Variants in RUBCNL observed in about 807,000 individuals in gnomAD.
RUBCNL encodes protein associated with UVRAG as autophagy enhancer.
In RUBCNL, 62 loss-of-function variants were observed where a neutral mutation model predicts 69.5. The observed-to-expected ratio is 0.89, with a 90% CI of 0.73 to 1.10. The LOEUF (loss-of-function observed/expected upper bound fraction) is 1.10, where lower values mean the gene tolerates loss of function less well. Among genes scored for constraint, RUBCNL ranks in the 50% least tolerant of loss-of-function variants. RUBCNL has a pLI of 0.00. For synonymous variants in RUBCNL, 291 were observed against 303.6 expected (o/e 0.96, Z 0.43); for missense variants, 768 against 798.1 (o/e 0.96, Z 0.45).
intron 5 of RUBCNL, among the ~76,000 whole-genome samples, chr13:46,366,507 C>T (rs551157139): frequency 1.3e-5 from 2 of 152,358 alleles, no homozygotes; most frequent in Non-Finnish European, 2.9e-5. Context: ...TATTTCCCAC[C>T]ACTGGGTTCA....
intron 10 of RUBCNL, chr13:46,350,590 A>C (rs2048349944): frequency 7.3e-6 from 3 of 408,252 alleles, no homozygotes; most frequent in Non-Finnish European, 1.3e-5. Context: ...AAACCTTCCC[A>C]AAATACTCCT....
intron 5 of RUBCNL, among the ~76,000 whole-genome samples, chr13:46,366,333 A>G (rs932669854): frequency 1.3e-5 from 2 of 152,334 alleles, no homozygotes; most frequent in East Asian, 1.9e-4. Flanking sequence ...CTGAGTGGTC[A>G]GGAAGACTGC....
At chr13:46,349,484 A>C (rs1295230992) in intron 11 of RUBCNL, 137 bp from the exon 12 acceptor site, 6 of 776,516 alleles carry the variant, frequency 7.7e-6, no homozygotes, top group African/African-American at 1.7e-5. Context: ...CAAACCGCCT[A>C]TACAGCAAGC....
At chr13:46,371,798 G>A (rs1804997588) in intron 3 of RUBCNL, 143 bp downstream of exon 3, 1 of 792,856 alleles carries the variant, frequency 1.3e-6, no homozygotes, top group African/African-American at 1.7e-5. Context: ...CACCTGTTGT[G>A]ACCGCCCAGA....
chr13:46,345,239 A>T (rs558998285), intron 13 of RUBCNL, among the ~76,000 whole-genome samples: 1 of 152,280 alleles, frequency 6.6e-6, no homozygotes, highest in Non-Finnish European at 1.5e-5. Context: ...GATGAAGTCC[A>T]TTGGTCCAGG....
In RUBCNL at chr13:46,350,227, G is replaced by A. The variant is rs147137455; in HGVS notation, c.1455C>T (p.Tyr485=). 6.6e-5 allele frequency: 105 copies of A among 1,593,480 alleles called. No individual in the cohort carries two copies. Among genetic ancestry groups the A allele is most frequent in the African/African-American group, 2.9e-4 (22 of 74,656 alleles). Residue 485 remains tyrosine (Y), a synonymous_variant, in exon 11 of 15, where the codon TAC becomes TAT. Coordinates refer to ENST00000429979, the MANE Select transcript of RUBCNL (RefSeq NM_025113.5). ...GCAGCTGTTTGGAGAAATTGCTGAC[G>A]TAGTACTTCTTGAAGTCCCACATCA... ...ILMMWDFKKY[Y]VSNFSKQLLD...
rs942592611 is a variant in RUBCNL at position 46,342,145 on chromosome 13, GAA to G, written c.*1238_*1239del. Reference sequence around the variant, plus strand: ...AATTGACAGAATGAGAAGACTGAATGAAAAGAGATTGACAGAAGTCATTCATT... The same window carrying G: ...AATTGACAGAATGAGAAGACTGAATGAAGAGATTGACAGAAGTCATTCATT... On this transcript the variant is annotated 3_prime_UTR_variant, in exon 15 of 15. Coordinates refer to ENST00000429979, the MANE Select transcript of RUBCNL (RefSeq NM_025113.5). The G allele has an allele frequency of 1.3e-5, 2 of 152,234 alleles. No individual in the cohort carries two copies. Among genetic ancestry groups the G allele is most frequent in the Non-Finnish European group, 2.9e-5 (2 of 68,050 alleles). 9.4% of individuals were successfully genotyped at this position (152,234 alleles called of 1,614,324 possible). A position where few individuals can be genotyped will look rare whatever the true frequency, so the allele number is the denominator to read the frequency against.
rs369363338 is a variant in RUBCNL, at chr13:46,335,163, C to T, written c.*8222G>A. ...CACTACAGCCTCAAACTCCTGGGCT[C>T]GATCGATCCTCCCACCTCAGCCTCC... On this transcript the variant is annotated 3_prime_UTR_variant, in exon 15 of 15. Transcript: ENST00000429979. Among the ~76,000 whole-genome samples, 42 of 151,606 alleles carry T rather than the reference C, an allele frequency of 2.8e-4. 1 individual carries two copies. Among genetic ancestry groups the T allele is most frequent in the African/African-American group, 8.5e-4 (35 of 41,230 alleles).
At chr13:46,374,916 G>A (rs2048956604) in intron 2 of RUBCNL, among the ~76,000 whole-genome samples, 1 of 152,090 alleles carries the variant, frequency 6.6e-6, no homozygotes, top group Admixed American at 6.5e-5. Context: ...GCTCCTTCCT[G>A]TCATAAATGC....
At position 46,336,581 on chromosome 13, in the gene RUBCNL, T is replaced by A. The variant is rs183443264; in HGVS notation, c.*6804A>T. Among the ~76,000 whole-genome samples, 9 of 152,250 alleles carry A rather than the reference T, an allele frequency of 5.9e-5. No homozygotes were observed. The highest frequency in any genetic ancestry group is 1.3e-4 in the Non-Finnish European group (9 of 68,022). On this transcript the variant is annotated 3_prime_UTR_variant, in exon 15 of 15. Transcript: ENST00000429979. ...CTAGACTTTTTTATTTTATTATATT[T>A]TATTATAAAACAGTATTCTCTTTTG...
chr13:46,350,361 A>G lies in RUBCNL; in HGVS notation c.1331-10T>C. On this transcript the variant is annotated splice_polypyrimidine_tract_variant and intron_variant, in intron 10 of 14. Transcript: ENST00000429979. ...AGCCGCTTCACAAACTCTGCCAAGC[A>G]TACCGGAGGGTGAGTGCCACACCTG... is the stretch of plus-strand genomic sequence containing the variant. 1 of 1,524,386 alleles carries G rather than the reference A, an allele frequency of 6.6e-7. No individual in the cohort carries two copies. The allele number at this position is 1,524,386 out of a possible 1,614,324, so 94.4% of individuals were successfully genotyped here.
At chr13:46,351,101 G>GA (rs34231532) in intron 10 of RUBCNL, 14,686 of 141,936 alleles carry the variant, frequency 0.1, 1,467 homozygotes, top group East Asian at 0.42. Flanking sequence ...CATCTCCACA[G>GA]AAAAAAAAAA....
At position 46,340,640 on chromosome 13, in the gene RUBCNL, A is replaced by C. The variant is rs1372621363; in HGVS notation, c.*2745T>G. Among the ~76,000 whole-genome samples, 1 of 152,160 alleles carries C rather than the reference A, an allele frequency of 6.6e-6. No individual in the cohort carries two copies. The highest frequency in any genetic ancestry group is 2.4e-5 in the African/African-American group (1 of 41,430). On this transcript the variant is annotated 3_prime_UTR_variant, in exon 15 of 15. Transcript: ENST00000429979. ...TGGCTTATGGTTCTGCGGGCTGTAC[A>C]AGCATCGCACCAATATCTGCTTCTG...
At chr13:46,348,342 T>C (rs2048294192) in intron 12 of RUBCNL, among the ~76,000 whole-genome samples, 1 of 152,216 alleles carries the variant, frequency 6.6e-6, no homozygotes, top group Non-Finnish European at 1.5e-5. Context: ...ATTTTATATG[T>C]ATTTACCACA....
upstream of RUBCNL, chr13:46,387,974 G>T: frequency 2.4e-6 from 1 of 419,972 alleles, no homozygotes; most frequent in South Asian, 1.0e-4. Context: ...TACTTTGGGA[G>T]GCCAAGTCGG....
chr13:46,361,689 T>TA (rs1594155452), intron 7 of RUBCNL, 116 bp from the exon 8 acceptor site: 2 of 1,015,110 alleles, frequency 2.0e-6, no homozygotes, highest in East Asian at 5.3e-5. Flanking sequence ...GAGGCTGTCA[T>TA]ATGAGATGAC....
Position 46,387,172 on chromosome 13 carries a change from A to G in RUBCNL, c.-277T>C. 1.0e-6 allele frequency: 1 copy of G among 985,202 alleles called. No individual in the cohort carries two copies. Among genetic ancestry groups the G allele is most frequent in the Non-Finnish European group, 1.2e-6 (1 of 829,896 alleles). 61.0% of individuals were successfully genotyped at this position (985,202 alleles called of 1,614,324 possible). ...AGCGGTGGAACGCTGCGCTGGGTAAACGCCGCGCGTCGGGTCCTCCCTCGC... is the reference window on the plus strand; with the variant it reads ...AGCGGTGGAACGCTGCGCTGGGTAAGCGCCGCGCGTCGGGTCCTCCCTCGC... On this transcript the variant is annotated 5_prime_UTR_variant, in exon 1 of 15. Transcript: ENST00000429979.
chr13:46,373,406 CTTA>C (rs1396606955), intron 2 of RUBCNL, among the ~76,000 whole-genome samples: 1 of 152,170 alleles, frequency 6.6e-6, no homozygotes, highest in African/African-American at 2.4e-5. Flanking sequence ...ACCTTTCATA[CTTA>C]TAATATCAGT....
intron 9 of RUBCNL, among the ~76,000 whole-genome samples, chr13:46,358,326 C>G (rs2048535877): frequency 6.6e-6 from 1 of 152,146 alleles, no homozygotes; most frequent in Non-Finnish European, 1.5e-5. Context: ...AGTTTGCACA[C>G]CAAATTGAAT....
Sources: gnomAD v4.1 joint callset for allele counts (sites outside exome capture counted in the v4.1 genomes callset) on GRCh38, gnomAD v4.1.1 for gene constraint, MANE v1.5 for transcripts, NCBI Gene and HGNC (gene_info 2026-07-23, HGNC 2026-07-21) for gene names.